The following DRC3 variants were observed in gnomAD, a reference collection of about 807,000 sequenced individuals.
DRC3 encodes the protein dynein regulatory complex subunit 3.
DRC3 carries 45 observed loss-of-function variants against 57.6 expected under a neutral mutation model. The ratio of observed to expected loss-of-function variants is 0.78; its 90% CI spans 0.62 to 1.00. DRC3 has a LOEUF of 1.00. Among genes scored for constraint, DRC3 ranks in the 50% least tolerant of loss-of-function variants. The pLI is 0.00. For missense variants in DRC3, 655 were observed against 675.2 expected, an observed-to-expected ratio of 0.97 and a Z score of 0.33; for synonymous variants, 257 against 272.3, an observed-to-expected ratio of 0.94 and a Z score of 0.55.
chr17:18,011,102 C>T (rs968799416), intron 12 of DRC3, among the ~76,000 whole-genome samples: 2 of 152,294 alleles, frequency 1.3e-5, no homozygotes, highest in East Asian at 1.9e-4. Flanking sequence ...GGATTACAGG[C>T]ATGCGCCACC....
chr17:17,999,883 G>A (rs2043618979), intron 9 of DRC3, among the ~76,000 whole-genome samples: 1 of 152,368 alleles, frequency 6.6e-6, no homozygotes, highest in South Asian at 2.1e-4. Context: ...TGGCCACTGG[G>A]GGATACGGTC....
At chr17:17,993,941 T>C in intron 6 of DRC3, 3 of 270,846 alleles carry the variant, frequency 1.1e-5, no homozygotes, top group Non-Finnish European at 2.2e-5. Context: ...TGCTGAGGGC[T>C]GTTGGGAGTG....
In DRC3 at chr17:17,997,337, G is replaced by A. The variant is rs192705243; in HGVS notation, c.825-123G>A. ...CCAAATGAACCAAATGAGACCAGGA[G>A]TTTGAGTCTCACACACTGTTGAGCG... is the stretch of plus-strand genomic sequence containing the variant. On this transcript the variant is annotated intron_variant, in intron 8 of 13. Transcript: ENST00000399187. The A allele has an allele frequency of 2.8e-5, 23 of 831,076 alleles. No individual in the cohort carries two copies. In the African/African-American group the frequency reaches 4.0e-4, roughly 14 times the overall value. 51.5% of individuals were successfully genotyped at this position (831,076 alleles called of 1,614,324 possible).
intron 3 of DRC3, 49 bp from the exon 4 acceptor site, chr17:17,983,779 C>A: frequency 7.1e-7 from 1 of 1,409,474 alleles, no homozygotes; most frequent in Non-Finnish European, 1.0e-6. Flanking sequence ...TACACTAGCA[C>A]AAAACTCTGA....
chr17:18,007,885 C>T (rs1249226947), intron 12 of DRC3: 6 of 1,000,078 alleles, frequency 6.0e-6, no homozygotes, highest in Admixed American at 1.1e-4. Context: ...AAGCCACCAT[C>T]GTCCTTGGCC....
intron 12 of DRC3, chr17:18,010,945 TTTTTG>T: frequency 1.6e-5 from 4 of 249,792 alleles, no homozygotes; most frequent in East Asian, 1.4e-4. Flanking sequence ...TGAGGTTTTT[TTTTTG>T]TTTGTTTGTT....
intron 12 of DRC3, chr17:18,011,145 TG>T: frequency 4.5e-6 from 1 of 220,488 alleles, no homozygotes; most frequent in South Asian, 5.4e-5. Context: ...TTAGTAGAGA[TG>T]GGGTTTCTCC....
chr17:18,008,427 C>T lies in DRC3; in HGVS notation c.1326+1280C>T, dbSNP rs919147619. ...CTACATGTAAGCTCAGGAGGGAGGA[C>T]GGGGATGGCCTTTTCACCACCATGT... On this transcript the variant is annotated intron_variant, in intron 12 of 13. Transcript: ENST00000399187. This position sits in a 1 kb window ranked among gnomAD's most constrained non-coding sequence, Gnocchi z 4.3. 1.3e-5 allele frequency among the ~76,000 whole-genome samples: 2 copies of T among 152,210 alleles called. No individual in the cohort carries two copies. Among genetic ancestry groups the T allele is most frequent in the East Asian group, 3.8e-4 (2 of 5,204 alleles).
Position 17,972,982 on chromosome 17 carries a change from C to G in DRC3, c.-129+8C>G, listed in dbSNP as rs11078409. The G allele has an allele frequency of 0.42, 63,101 of 152,006 alleles. 14,163 individuals carry two copies. The highest frequency in any genetic ancestry group is 0.87 in the East Asian group (4,475 of 5,138). 9.4% of individuals were successfully genotyped at this position (152,006 alleles called of 1,614,324 possible). A position where few individuals can be genotyped will look rare whatever the true frequency, so the allele number is the denominator to read the frequency against. The stretch of plus-strand genomic sequence containing the variant: ...TTCCCAGCGCTTGAGAAGGTGAGAC[C>G]TGGGAGCTGAGGCTCCCGGAGGACT... On this transcript the variant is annotated splice_region_variant and intron_variant, in intron 1 of 13. Coordinates refer to ENST00000399187, the MANE Select transcript of DRC3 (RefSeq NM_031294.4).
At chr17:18,012,971 A>C (rs1015833019) in intron 12 of DRC3, among the ~76,000 whole-genome samples, 15 of 152,182 alleles carry the variant, frequency 9.9e-5, no homozygotes, top group African/African-American at 3.6e-4. Context: ...TAGCAAAAAA[A>C]CAAACAATTC....
intron 11 of DRC3, 32 bp from the exon 12 acceptor site, chr17:18,006,992 C>T (rs1210136434): frequency 6.2e-7 from 1 of 1,611,634 alleles, no homozygotes; most frequent in South Asian, 1.1e-5. Flanking sequence ...GGGCCTGCTC[C>T]TCCCGGGCCT....
chr17:18,001,745 A>G (rs1243706711), intron 9 of DRC3, among the ~76,000 whole-genome samples: 2 of 152,196 alleles, frequency 1.3e-5, no homozygotes, highest in Non-Finnish European at 2.9e-5. Flanking sequence ...AGCCTGGGCA[A>G]CATAGTAAGA....
intron 12 of DRC3, among the ~76,000 whole-genome samples, chr17:18,013,652 GAGGAAT>G (rs2145457244): frequency 6.6e-6 from 1 of 152,326 alleles, no homozygotes; most frequent in South Asian, 2.1e-4. Context: ...TAGAGAGATG[GAGGAAT>G]AGGGAGAGAT....
intron 7 of DRC3, 96 bp downstream of exon 7, chr17:17,994,514 G>A (rs2043373246): frequency 1.4e-6 from 2 of 1,459,514 alleles, no homozygotes; most frequent in Non-Finnish European, 1.8e-6. Context: ...CCCAGGCTCT[G>A]AAAACACAGA....
chr17:17,976,283 C>T (rs989178902), intron 2 of DRC3, among the ~76,000 whole-genome samples: 20 of 152,312 alleles, frequency 1.3e-4, no homozygotes, highest in African/African-American at 4.1e-4. Flanking sequence ...GGTCCAGCCA[C>T]GAACGGCAGC....
chr17:17,981,703 A>T (rs1353729701), intron 3 of DRC3: 1 of 151,544 alleles, frequency 6.6e-6, no homozygotes. Flanking sequence ...TTTTTTATTT[A>T]TTTATTTATT....
chr17:18,008,775 C>T lies in DRC3; in HGVS notation c.1326+1628C>T, dbSNP rs2044068441. The stretch of plus-strand genomic sequence containing the variant: ...TGAAGTAAGGCTGTCCCTGAGTGCC[C>T]AGTTTGGAATTCCCCAGACAGACCA... On this transcript the variant is annotated intron_variant, in intron 12 of 13. Transcript: ENST00000399187. This position sits in a 1 kb window ranked among gnomAD's most constrained non-coding sequence, Gnocchi z 4.3. 6.6e-6 allele frequency among the ~76,000 whole-genome samples: 1 copy of T among 152,220 alleles called. No individual in the cohort carries two copies. Among genetic ancestry groups the T allele is most frequent in the African/African-American group, 2.4e-5 (1 of 41,456 alleles).
chr17:17,976,753 GA>G (rs1407475583), intron 2 of DRC3, among the ~76,000 whole-genome samples: 1 of 152,176 alleles, frequency 6.6e-6, no homozygotes, highest in Non-Finnish European at 1.5e-5. Context: ...TGAGAAACAG[GA>G]AACTCTCATG....
At chr17:18,016,514 C>A in intron 13 of DRC3, 44 bp from the exon 14 acceptor site, 1 of 1,357,490 alleles carries the variant, frequency 7.4e-7, no homozygotes, top group Non-Finnish European at 1.0e-6. Flanking sequence ...AGATATTAAC[C>A]AATGATCTGA....
Sources: gnomAD v4.1 joint callset for allele counts (sites outside exome capture counted in the v4.1 genomes callset) on GRCh38, gnomAD v4.1.1 for gene constraint, Gnocchi (gnomAD v3.1) non-coding constraint, MANE v1.5 for transcripts, NCBI Gene and HGNC (gene_info 2026-07-23, HGNC 2026-07-21) for gene names.